Variants in C8A observed in about 807,000 individuals in gnomAD.
C8A encodes the protein complement C8 alpha chain, also known as complement component C8 alpha chain.
A neutral mutation model predicts 65.3 loss-of-function variants in C8A; 67 were observed. The ratio of observed to expected loss-of-function variants is 1.03; its 90% CI spans 0.84 to 1.26. The LOEUF (loss-of-function observed/expected upper bound fraction) is 1.26, where lower values mean the gene tolerates loss of function less well. C8A is among the 50% of genes most tolerant of loss of function. C8A has a pLI of 0.00. For synonymous variants in C8A, 290 were observed against 259.4 expected (o/e 1.12, Z -1.13); for missense variants, 781 against 723.9 (o/e 1.08, Z -0.90).
intron 1 of C8A, among the ~76,000 whole-genome samples, 163 bp from the exon 2 acceptor site, chr1:56,867,444 ACT>A (rs1227199239): frequency 2.6e-5 from 4 of 151,980 alleles, no homozygotes; most frequent in African/African-American, 7.3e-5. Flanking sequence ...AGCACCATAC[ACT>A]CTCTCATTTC....
chr1:56,880,390 T>C (rs1428255234), intron 4 of C8A, among the ~76,000 whole-genome samples: 2 of 152,186 alleles, frequency 1.3e-5, no homozygotes, highest in Non-Finnish European at 2.9e-5. Context: ...TGTACTTTAC[T>C]GCTGTTTTAG....
chr1:56,891,378 T>A (rs1232012890), intron 7 of C8A, among the ~76,000 whole-genome samples: 1 of 151,604 alleles, frequency 6.6e-6, no homozygotes, highest in African/African-American at 2.4e-5. Context: ...CAGAGGGTCT[T>A]ACTGGCCGTA....
rs1302620941 is a variant in C8A, at chr1:56,883,659, A to C, written c.833A>C (p.Glu278Ala). Residue 278 changes from glutamate (E) to alanine (A), a missense_variant, in exon 6 of 11, where the codon GAA (glutamate) becomes GCA (alanine). Glu to Ala is a moderately radical substitution (Grantham distance 107). Coordinates refer to ENST00000361249, the MANE Select transcript of C8A (RefSeq NM_000562.3). Reference protein sequence around the residue: ...SHSQDTSFLNELNKYNEKKFI... With the variant: ...SHSQDTSFLNALNKYNEKKFI... ...TCACAAGACACTTCATTCTTGAACG[A>C]ATTAAACAAGTATAATGAGAAGGTA... 1 of 1,613,638 alleles carries C rather than the reference A, an allele frequency of 6.2e-7. No individual in the cohort carries two copies. The highest frequency in any genetic ancestry group is 1.3e-5 in the African/African-American group (1 of 74,930).
rs1164701557 is a variant in C8A, at chr1:56,883,473, T to A, written c.655-8T>A. 3 of 1,611,736 alleles carry A rather than the reference T, an allele frequency of 1.9e-6. No individual in the cohort carries two copies. Among genetic ancestry groups the A allele is most frequent in the African/African-American group, 1.3e-5 (1 of 74,882 alleles). On this transcript the variant is annotated splice_polypyrimidine_tract_variant and splice_region_variant and intron_variant, in intron 5 of 10. Transcript: ENST00000361249. ...CACAAAGCTAATATCTATCCTTTTT[T>A]TTTTCAGGCCCTGGCAGATACTGGA...
chr1:56,916,779 T>C (rs1644556073), intron 10 of C8A, among the ~76,000 whole-genome samples: 1 of 152,110 alleles, frequency 6.6e-6, no homozygotes, highest in African/African-American at 2.4e-5. Flanking sequence ...TCTCATATGA[T>C]AGCATCCAAA....
chr1:56,866,077 A>T (rs917765500), intron 1 of C8A, among the ~76,000 whole-genome samples: 1 of 152,224 alleles, frequency 6.6e-6, no homozygotes, highest in African/African-American at 2.4e-5. Flanking sequence ...ATGTAATACC[A>T]AAGGAGAACA....
At chr1:56,876,295 A>C in intron 4 of C8A, 86 bp downstream of exon 4, 1 of 1,528,178 alleles carries the variant, frequency 6.5e-7, no homozygotes, top group Middle Eastern at 1.8e-4. Flanking sequence ...GAAGGGGGCC[A>C]TTTTGGAGGG....
chr1:56,865,566 G>T (rs896525050), intron 1 of C8A, among the ~76,000 whole-genome samples: 1 of 152,244 alleles, frequency 6.6e-6, no homozygotes, highest in Middle Eastern at 3.4e-3. Flanking sequence ...AATATGGGGG[G>T]ACATAAACAT....
chr1:56,906,540 G>A (rs1007726411), intron 7 of C8A, 127 bp from the exon 8 acceptor site: 9 of 1,013,924 alleles, frequency 8.9e-6, no homozygotes, highest in African/African-American at 6.4e-5. Flanking sequence ...TTAAAGAACC[G>A]GGCTTTCAAC....
intron 8 of C8A, among the ~76,000 whole-genome samples, chr1:56,907,476 A>G (rs1644474909): frequency 6.6e-6 from 1 of 152,040 alleles, no homozygotes; most frequent in Non-Finnish European, 1.5e-5. Context: ...ATATTCACTA[A>G]CCTTTGTAGA....
chr1:56,908,451 G>A (rs775383685), intron 9 of C8A, among the ~76,000 whole-genome samples: 11 of 152,178 alleles, frequency 7.2e-5, no homozygotes, highest in African/African-American at 1.7e-4. Flanking sequence ...ATTAGGGGGT[G>A]GCAAACTTTT....
intron 8 of C8A, 95 bp from the exon 9 acceptor site, chr1:56,907,861 G>A: frequency 7.0e-6 from 10 of 1,429,530 alleles, no homozygotes; most frequent in Non-Finnish European, 8.9e-6. Flanking sequence ...AGGAAAACAT[G>A]TAAACTTTCT....
At chr1:56,871,853 GTACC>G (rs1644149599) in intron 2 of C8A, among the ~76,000 whole-genome samples, 1 of 152,160 alleles carries the variant, frequency 6.6e-6, no homozygotes, top group Admixed American at 6.5e-5. Context: ...TCAGAGGCAA[GTACC>G]TACTGTGTCT....
intron 7 of C8A, among the ~76,000 whole-genome samples, chr1:56,894,947 A>G (rs903612304): frequency 6.6e-6 from 1 of 152,116 alleles, no homozygotes; most frequent in African/African-American, 2.4e-5. Context: ...TTGTTTTAAT[A>G]CAATGTTTTT....
intron 7 of C8A, among the ~76,000 whole-genome samples, chr1:56,902,456 C>T (rs1037191591): frequency 2.0e-5 from 3 of 152,140 alleles, no homozygotes; most frequent in Non-Finnish European, 4.4e-5. Flanking sequence ...CATCTTCACC[C>T]TCATGCTTGT....
At chr1:56,891,091 G>A (rs1316785198) in intron 7 of C8A, among the ~76,000 whole-genome samples, 1 of 152,140 alleles carries the variant, frequency 6.6e-6, no homozygotes, top group African/African-American at 2.4e-5. Flanking sequence ...AAAACAGAGA[G>A]TAACTTCAGG....
At position 56,876,108 on chromosome 1, in the gene C8A, C is replaced by T. The variant is rs1644196025; in HGVS notation, c.363C>T (p.Cys121=). The part of the protein sequence containing the change: ...RHLVCNGDQD[C]LDGSDEDDCE... ...TTGTGTGTAATGGAGACCAGGACTG[C>T]CTTGATGGCTCTGATGAGGACGACT... The change falls in exon 4 of 11, where the codon TGC becomes TGT. Residue 121 remains cysteine (C), a synonymous_variant. Transcript: ENST00000361249. 3.7e-6 allele frequency: 6 copies of T among 1,613,714 alleles called. No individual in the cohort carries two copies. The Admixed American group carries it at 1.0e-4, about 27-fold the overall frequency.
chr1:56,917,691 G>A lies in C8A; in HGVS notation c.1730G>A (p.Arg577Gln), dbSNP rs775054168. 1.4e-5 allele frequency: 22 copies of A among 1,614,200 alleles called. No homozygotes were observed. The highest frequency in any genetic ancestry group is 6.7e-5 in the African/African-American group (5 of 75,054). The part of the protein sequence containing the change: ...PQNGGASCPG[R>Q]KVQTQAC ...AATGGAGGGGCCTCGTGTCCAGGGCGGAAAGTACAGACGCAGGCTTGCTGA... is the reference window on the plus strand; with the variant it reads ...AATGGAGGGGCCTCGTGTCCAGGGCAGAAAGTACAGACGCAGGCTTGCTGA... Residue 577 changes from arginine to glutamine, a missense_variant, in exon 11 of 11, where the codon CGG becomes CAG. Coordinates refer to ENST00000361249, the MANE Select transcript of C8A (RefSeq NM_000562.3).
intron 2 of C8A, among the ~76,000 whole-genome samples, chr1:56,872,454 A>G (rs1049658772): frequency 3.3e-5 from 5 of 152,198 alleles, no homozygotes; most frequent in Non-Finnish European, 7.3e-5. Context: ...ATACAGAAAA[A>G]AATTTAAGAT....
Sources: allele counts gnomAD v4.1 joint callset (sites outside exome capture counted in the v4.1 genomes callset), GRCh38; gene constraint gnomAD v4.1.1; transcripts MANE v1.5; gene names NCBI Gene and HGNC (gene_info 2026-07-23, HGNC 2026-07-21).